GABRA5: variants seen among roughly 807,000 people sequenced by gnomAD.
GABRA5 encodes gamma-aminobutyric acid type A receptor subunit alpha5.
GABRA5 carries 18 observed loss-of-function variants against 47.3 expected under a neutral mutation model. The ratio of observed to expected loss-of-function variants is 0.38; its 90% CI spans 0.26 to 0.56. The LOEUF (loss-of-function observed/expected upper bound fraction) is 0.56. GABRA5 is among the 20% of genes least tolerant of loss of function. The pLI is 0.71. For missense variants in GABRA5, 365 were observed against 599.3 expected (o/e 0.61, Z 4.08); for synonymous variants, 237 against 229.3 (o/e 1.03, Z -0.30).
chr15:26,897,907 T>C (rs375819208), intron 6 of GABRA5, among the ~76,000 whole-genome samples: 3 of 152,168 alleles, frequency 2.0e-5, no homozygotes, highest in East Asian at 3.9e-4. Flanking sequence ...TAAAAAATAA[T>C]GCACCTCTTC....
chr15:26,923,578 A>T (rs1893890160), intron 7 of GABRA5, among the ~76,000 whole-genome samples: 1 of 151,402 alleles, frequency 6.6e-6, no homozygotes, highest in Non-Finnish European at 1.5e-5. Flanking sequence ...GGCATATGAT[A>T]TTTATAGGTT....
intron 6 of GABRA5, among the ~76,000 whole-genome samples, chr15:26,893,278 T>TTTGGC (rs1893065731): frequency 4.3e-5 from 2 of 47,030 alleles, no homozygotes; most frequent in Non-Finnish European, 9.7e-5. Context: ...GGTGTGTGTG[T>TTTGGC]ATGGCATATG....
At chr15:26,932,860 C>T (rs187170328) in intron 7 of GABRA5, among the ~76,000 whole-genome samples, 75 of 152,284 alleles carry the variant, frequency 4.9e-4, no homozygotes, top group African/African-American at 1.4e-3. Flanking sequence ...AAATTAAACA[C>T]TGCATGTTCT....
intron 10 of GABRA5, among the ~76,000 whole-genome samples, chr15:26,945,723 G>A (rs1044289444): frequency 6.6e-6 from 1 of 152,200 alleles, no homozygotes; most frequent in Non-Finnish European, 1.5e-5. Flanking sequence ...TGGGGAGCAC[G>A]TCCTTCTGGC....
intron 9 of GABRA5, among the ~76,000 whole-genome samples, chr15:26,941,232 G>A (rs2140591188): frequency 6.6e-6 from 1 of 152,288 alleles, no homozygotes; most frequent in South Asian, 2.1e-4. Flanking sequence ...TAATGTGCCT[G>A]ATGAACTCTT....
At chr15:26,917,874 A>T (rs1055644276) in intron 7 of GABRA5, among the ~76,000 whole-genome samples, 1 of 151,890 alleles carries the variant, frequency 6.6e-6, no homozygotes, top group Non-Finnish European at 1.5e-5. Flanking sequence ...GTCTTTTACA[A>T]GTCTTTTTAT....
intron 7 of GABRA5, among the ~76,000 whole-genome samples, chr15:26,930,003 C>CTTTTTTTTTT (rs1203493810): frequency 8.7e-6 from 1 of 114,960 alleles, no homozygotes; most frequent in African/African-American, 3.4e-5. Context: ...TCTTCTTCTT[C>CTTTTTTTTTT]TTCTTTTTTT....
intron 6 of GABRA5, among the ~76,000 whole-genome samples, chr15:26,893,187 G>T (rs901122136): frequency 9.1e-6 from 1 of 110,228 alleles, no homozygotes; most frequent in African/African-American, 3.2e-5. Flanking sequence ...TGTGTGGTGT[G>T]TGTGTGTATA....
chr15:26,871,646 C>T (rs1892474953), intron 3 of GABRA5, among the ~76,000 whole-genome samples: 1 of 152,134 alleles, frequency 6.6e-6, no homozygotes, highest in African/African-American at 2.4e-5. Flanking sequence ...ACTGACTTCC[C>T]CTTGCTTCTG....
At chr15:26,946,999 G>A (rs111597328) in intron 10 of GABRA5, among the ~76,000 whole-genome samples, 5 of 152,094 alleles carry the variant, frequency 3.3e-5, no homozygotes, top group Non-Finnish European at 7.4e-5. Context: ...TGTGCTGGGT[G>A]GAAGATACCT....
chr15:26,947,531 C>T (rs111904876), intron 10 of GABRA5, among the ~76,000 whole-genome samples: 2 of 152,308 alleles, frequency 1.3e-5, no homozygotes, highest in African/African-American at 4.8e-5. Flanking sequence ...AAGACAGGAT[C>T]TCATTCTTTT....
At chr15:26,914,982 C>T in intron 7 of GABRA5, 97 bp downstream of exon 7, 1 of 902,588 alleles carries the variant, frequency 1.1e-6, no homozygotes, top group Non-Finnish European at 1.8e-6. Context: ...TACATAAGCA[C>T]AATAGGATGC....
At chr15:26,888,256 C>T (rs765425547) in intron 6 of GABRA5, among the ~76,000 whole-genome samples, 1 of 152,158 alleles carries the variant, frequency 6.6e-6, no homozygotes, top group African/African-American at 2.4e-5. Context: ...AGAATCAGCC[C>T]AAAGAGAGCA....
At chr15:26,878,585 C>T (rs1892654261) in intron 3 of GABRA5, among the ~76,000 whole-genome samples, 1 of 152,152 alleles carries the variant, frequency 6.6e-6, no homozygotes, top group African/African-American at 2.4e-5. Flanking sequence ...TTTCTTCCCT[C>T]CTAGAGGCTA....
chr15:26,937,171 C>T lies in GABRA5; in HGVS notation c.581-14C>T. ...TTTCATGTTTATGTCACTTTCTGCC[C>T]CCTCCTCATACAGATGCGTACCCTA... On this transcript the variant is annotated splice_polypyrimidine_tract_variant and intron_variant, in intron 7 of 10. Coordinates refer to ENST00000335625, the MANE Select transcript of GABRA5 (RefSeq NM_000810.4). 6.2e-7 allele frequency: 1 copy of T among 1,613,710 alleles called. No individual in the cohort carries two copies. Among genetic ancestry groups the T allele is most frequent in the Non-Finnish European group, 8.5e-7 (1 of 1,179,650 alleles).
At chr15:26,947,791 A>C in intron 10 of GABRA5, 143 bp from the exon 11 acceptor site, 1 of 671,768 alleles carries the variant, frequency 1.5e-6, no homozygotes, top group Non-Finnish European at 2.6e-6. Context: ...TCTGCAGGCT[A>C]CCTGGCGACA....
At chr15:26,895,826 A>AGAAGAAG (rs1555390757) in intron 6 of GABRA5, among the ~76,000 whole-genome samples, 3,581 of 135,954 alleles carry the variant, frequency 0.026, 71 homozygotes, top group Non-Finnish European at 0.034. Context: ...AAAAAAAAAA[A>AGAAGAAG]AAGAAGAAGA....
chr15:26,889,023 A>G (rs1241394091), intron 6 of GABRA5, among the ~76,000 whole-genome samples: 1 of 152,238 alleles, frequency 6.6e-6, no homozygotes, highest in African/African-American at 2.4e-5. Flanking sequence ...CTGGGCAAAC[A>G]TTGTAGAATG....
chr15:26,941,595 C>T (rs908460923), intron 9 of GABRA5, among the ~76,000 whole-genome samples: 1 of 152,148 alleles, frequency 6.6e-6, no homozygotes, highest in African/African-American at 2.4e-5. Context: ...TCTCCTGGGA[C>T]TGCCGTAACC....
Sources: gnomAD v4.1 joint callset for allele counts (sites outside exome capture counted in the v4.1 genomes callset) on GRCh38, gnomAD v4.1.1 for gene constraint, MANE v1.5 for transcripts, NCBI Gene and HGNC (gene_info 2026-07-23, HGNC 2026-07-21) for gene names.